Variants in AUH observed in about 807,000 individuals in gnomAD.
The protein encoded by AUH is AU RNA binding methylglutaconyl-CoA hydratase, also known as methylglutaconyl-CoA hydratase, mitochondrial.
AUH carries 29 observed loss-of-function variants against 42.3 expected under a neutral mutation model. The ratio of observed to expected loss-of-function variants is 0.69; its 90% confidence interval spans 0.51 to 0.93. AUH has a LOEUF of 0.93. Ranked by LOEUF, AUH falls within the 40% of genes least tolerant of loss-of-function variation. AUH has a pLI of 0.00. For missense variants in AUH, 452 were observed against 438.1 expected (o/e 1.03, Z -0.28); for synonymous variants, 174 against 166.4 (o/e 1.05, Z -0.35).
At chr9:91,262,357 C>A (rs965159972) in intron 6 of AUH, among the ~76,000 whole-genome samples, 2 of 152,230 alleles carry the variant, frequency 1.3e-5, no homozygotes, top group East Asian at 3.9e-4. Context: ...AAGAGGTTAT[C>A]TGAGGATGAC....
intron 3 of AUH, among the ~76,000 whole-genome samples, chr9:91,354,384 ATTAAC>A (rs1208149943): frequency 1.3e-5 from 2 of 152,230 alleles, no homozygotes; most frequent in Non-Finnish European, 2.9e-5. Context: ...AATAGATTAA[ATTAAC>A]TTGTTAAAAA....
At chr9:91,295,961 T>C in intron 6 of AUH, 60 bp downstream of exon 6, 4 of 1,576,640 alleles carry the variant, frequency 2.5e-6, no homozygotes, top group Non-Finnish European at 3.5e-6. Context: ...TGATTTTGCC[T>C]TATGCCCTGT....
intron 8 of AUH, 123 bp from the exon 9 acceptor site, chr9:91,216,229 G>C: frequency 1.0e-6 from 1 of 976,562 alleles, no homozygotes; most frequent in Non-Finnish European, 1.6e-6. Context: ...TAGTACAGCA[G>C]ATCAGAGTGT....
chr9:91,235,289 A>C (rs149282599), intron 6 of AUH, among the ~76,000 whole-genome samples: 48 of 152,252 alleles, frequency 3.2e-4, no homozygotes, highest in African/African-American at 1.1e-3. Flanking sequence ...GGACCGAGAC[A>C]GCGCAAGGTA....
chr9:91,312,675 G>A (rs1169291680), intron 4 of AUH, among the ~76,000 whole-genome samples: 2 of 152,214 alleles, frequency 1.3e-5, no homozygotes, highest in Admixed American at 6.5e-5. Context: ...GCAGTGAGCC[G>A]AGATCGTGCC....
At chr9:91,314,902 C>T (rs557630092) in intron 4 of AUH, among the ~76,000 whole-genome samples, 13 of 152,282 alleles carry the variant, frequency 8.5e-5, no homozygotes, top group East Asian at 5.8e-4. Context: ...ACAGAGGAGG[C>T]GCAATGAGAG....
intron 6 of AUH, among the ~76,000 whole-genome samples, chr9:91,235,228 T>A (rs1412683751): frequency 6.6e-6 from 1 of 152,134 alleles, no homozygotes; most frequent in Non-Finnish European, 1.5e-5. Flanking sequence ...CAGAACAGGG[T>A]GCCCAGTAGG....
At chr9:91,355,614 T>C (rs996921728) in intron 3 of AUH, among the ~76,000 whole-genome samples, 4 of 152,054 alleles carry the variant, frequency 2.6e-5, no homozygotes. Context: ...CAAACAACAT[T>C]GTACTACATG....
intron 6 of AUH, among the ~76,000 whole-genome samples, chr9:91,295,144 A>C (rs1827220222): frequency 1.3e-5 from 2 of 152,058 alleles, no homozygotes; most frequent in African/African-American, 4.8e-5. Context: ...CCTCTACGTA[A>C]GACATGCCTT....
chr9:91,361,552 G>C (rs1032420850), intron 1 of AUH, 76 bp downstream of exon 1: 78 of 1,523,652 alleles, frequency 5.1e-5, no homozygotes, highest in Non-Finnish European at 5.8e-5. Context: ...CCTGCCGGCG[G>C]ACGCTGCACC....
chr9:91,218,941 CT>C (rs1322516249), intron 7 of AUH: 5 of 985,114 alleles, frequency 5.1e-6, no homozygotes, highest in Non-Finnish European at 4.8e-6. Context: ...ACATCAACAT[CT>C]TCTTATTTGT....
chr9:91,336,670 A>G (rs2131944793), intron 3 of AUH, among the ~76,000 whole-genome samples: 1 of 150,506 alleles, frequency 6.6e-6, no homozygotes, highest in African/African-American at 2.4e-5. Context: ...CATCACACAG[A>G]CTCGGTCTCC....
chr9:91,284,861 G>C (rs911918270), intron 6 of AUH, among the ~76,000 whole-genome samples: 1 of 152,140 alleles, frequency 6.6e-6, no homozygotes, highest in African/African-American at 2.4e-5. Flanking sequence ...CACTGTTGGT[G>C]GGACTCTAAA....
chr9:91,266,053 G>T (rs989097976), intron 6 of AUH, among the ~76,000 whole-genome samples: 2 of 152,062 alleles, frequency 1.3e-5, no homozygotes, highest in African/African-American at 4.8e-5. Flanking sequence ...GAGCCTTAAT[G>T]ATTTTTAAGC....
chr9:91,224,716 CTGAAATTT>C (rs1236634960), intron 6 of AUH, among the ~76,000 whole-genome samples: 2 of 152,178 alleles, frequency 1.3e-5, no homozygotes, highest in Non-Finnish European at 2.9e-5. Flanking sequence ...CTCATTCCCA[CTGAAATTT>C]TAACTTTTAG....
intron 6 of AUH, among the ~76,000 whole-genome samples, chr9:91,246,939 G>A (rs779426365): frequency 3.9e-5 from 6 of 152,214 alleles, no homozygotes; most frequent in Non-Finnish European, 7.3e-5. Context: ...CAGCAGCGGA[G>A]CCATGCCAGC....
intron 6 of AUH, among the ~76,000 whole-genome samples, chr9:91,274,780 A>G (rs1825416418): frequency 6.6e-6 from 1 of 152,198 alleles, no homozygotes; most frequent in Non-Finnish European, 1.5e-5. Context: ...AGCATAGAAA[A>G]GGCCCCAGAT....
chr9:91,218,158 T>C (rs560124058), intron 7 of AUH, among the ~76,000 whole-genome samples: 55 of 152,350 alleles, frequency 3.6e-4, no homozygotes, highest in African/African-American at 1.3e-3. Context: ...TCTTGGATGG[T>C]GACATGGATA....
chr9:91,231,732 A>C (rs1418745608), intron 6 of AUH, among the ~76,000 whole-genome samples: 1 of 152,208 alleles, frequency 6.6e-6, no homozygotes, highest in East Asian at 1.9e-4. Flanking sequence ...CACACTGTCC[A>C]TCCCAACAGC....
Sources: gnomAD v4.1 joint callset for allele counts (sites outside exome capture counted in the v4.1 genomes callset) on GRCh38, gnomAD v4.1.1 for gene constraint, MANE v1.5 for transcripts, NCBI Gene and HGNC (gene_info 2026-07-23, HGNC 2026-07-21) for gene names.